Variants in MB21D2 observed in about 807,000 individuals in gnomAD.
MB21D2 encodes nucleotidyltransferase MB21D2.
MB21D2 carries 9 observed loss-of-function variants against 33.3 expected under a neutral mutation model. The ratio of observed to expected loss-of-function variants is 0.27; its 90% CI spans 0.16 to 0.47. The LOEUF (loss-of-function observed/expected upper bound fraction) is 0.47. Ranked by LOEUF, MB21D2 falls within the 20% of genes least tolerant of loss-of-function variation. The pLI is 0.99. For synonymous variants in MB21D2, 241 were observed against 236.3 expected (o/e 1.02, Z -0.18); for missense variants, 540 against 624.6 (o/e 0.86, Z 1.44).
chr3:192,841,929 A>AGGCAGAG (rs939918031), intron 1 of MB21D2, among the ~76,000 whole-genome samples: 2 of 152,300 alleles, frequency 1.3e-5, no homozygotes, highest in African/African-American at 4.8e-5. Flanking sequence ...GAAGTGAACC[A>AGGCAGAG]GGCAGAGGGG....
chr3:192,811,720 T>C (rs1009728644), intron 1 of MB21D2, among the ~76,000 whole-genome samples: 1 of 152,160 alleles, frequency 6.6e-6, no homozygotes, highest in Admixed American at 6.5e-5. Context: ...TGAAAATCCA[T>C]ATATTTTTCA....
At chr3:192,859,242 A>G (rs1330803966) in intron 1 of MB21D2, among the ~76,000 whole-genome samples, 3 of 152,210 alleles carry the variant, frequency 2.0e-5, no homozygotes, top group African/African-American at 7.2e-5. Context: ...AAAATAATGT[A>G]TTAAGTACCA....
chr3:192,878,094 T>G (rs1448447469), intron 1 of MB21D2, among the ~76,000 whole-genome samples: 1 of 139,374 alleles, frequency 7.2e-6, no homozygotes, highest in East Asian at 2.1e-4. Flanking sequence ...TTTTTTTTTT[T>G]TTTTTTTGGT....
At chr3:192,801,033 C>A (rs1454650020) in intron 1 of MB21D2, among the ~76,000 whole-genome samples, 1 of 152,112 alleles carries the variant, frequency 6.6e-6, no homozygotes, top group African/African-American at 2.4e-5. Flanking sequence ...GATTGTGGGT[C>A]CTTTTGAGAA....
At chr3:192,836,155 G>A (rs950097067) in intron 1 of MB21D2, among the ~76,000 whole-genome samples, 1 of 152,146 alleles carries the variant, frequency 6.6e-6, no homozygotes, top group Non-Finnish European at 1.5e-5. Flanking sequence ...ATATTAAATA[G>A]AGGGCATTCC....
chr3:192,913,505 T>G (rs1714398724), intron 1 of MB21D2, among the ~76,000 whole-genome samples: 1 of 152,162 alleles, frequency 6.6e-6, no homozygotes, highest in Admixed American at 6.5e-5. Context: ...TGAAAAACAA[T>G]GCTTACTGTT....
chr3:192,824,461 A>G (rs1712125226), intron 1 of MB21D2, among the ~76,000 whole-genome samples: 1 of 151,644 alleles, frequency 6.6e-6, no homozygotes, highest in South Asian at 2.1e-4. Flanking sequence ...AGATGGGAAG[A>G]TGGCTTAGCC....
intron 1 of MB21D2, among the ~76,000 whole-genome samples, chr3:192,844,725 C>G (rs1037976652): frequency 2.6e-5 from 4 of 152,212 alleles, no homozygotes; most frequent in African/African-American, 9.7e-5. Context: ...CTTCAACACC[C>G]TTTCCCATCA....
At chr3:192,854,378 C>T (rs1043695696) in intron 1 of MB21D2, among the ~76,000 whole-genome samples, 32 of 152,294 alleles carry the variant, frequency 2.1e-4, no homozygotes, top group African/African-American at 7.2e-4. Context: ...TAACTCTCTT[C>T]AATTCTCTGA....
intron 1 of MB21D2, among the ~76,000 whole-genome samples, chr3:192,828,593 TATATATATATATATATATATATA>T (rs1430734877): frequency 0.016 from 214 of 13,700 alleles, 25 homozygotes; most frequent in East Asian, 0.05. Flanking sequence ...ACCCCCCCCA[TATATATATATATATATATATATA>T]TATATATATA....
chr3:192,869,413 G>C (rs945955082), intron 1 of MB21D2, among the ~76,000 whole-genome samples: 2 of 152,004 alleles, frequency 1.3e-5, no homozygotes, highest in Admixed American at 1.3e-4. Context: ...TTGAGTAGTG[G>C]AGGAGACTGA....
intron 1 of MB21D2, among the ~76,000 whole-genome samples, chr3:192,830,853 G>C (rs900347950): frequency 1.3e-5 from 2 of 152,204 alleles, no homozygotes; most frequent in African/African-American, 2.4e-5. Flanking sequence ...GCATGTTAAA[G>C]TTCTACATGT....
chr3:192,828,625 T>TTTTGAG (rs1712239886), intron 1 of MB21D2, among the ~76,000 whole-genome samples: 2 of 29,534 alleles, frequency 6.8e-5, no homozygotes, highest in African/African-American at 5.6e-4. Context: ...TATATATATA[T>TTTTGAG]ATATATATAT....
chr3:192,892,292 C>T (rs994203679), intron 1 of MB21D2, among the ~76,000 whole-genome samples: 11 of 152,146 alleles, frequency 7.2e-5, no homozygotes, highest in African/African-American at 2.7e-4. Flanking sequence ...AATTTTGTCC[C>T]CATTTTACAG....
chr3:192,890,102 C>T (rs1344513246), intron 1 of MB21D2, among the ~76,000 whole-genome samples: 1 of 152,030 alleles, frequency 6.6e-6, no homozygotes, highest in Admixed American at 6.6e-5. Context: ...CCAAGAGCAA[C>T]CTTTTCTTGA....
intron 1 of MB21D2, among the ~76,000 whole-genome samples, chr3:192,819,909 C>A (rs940190031): frequency 3.3e-5 from 5 of 152,194 alleles, no homozygotes; most frequent in African/African-American, 9.7e-5. Context: ...TGGGGACAAG[C>A]TCTGCATCCC....
intron 1 of MB21D2, among the ~76,000 whole-genome samples, chr3:192,879,374 G>C (rs1338569062): frequency 6.6e-6 from 1 of 152,228 alleles, no homozygotes; most frequent in Non-Finnish European, 1.5e-5. Context: ...GACTCTGAGA[G>C]ACAGAGAGGC....
chr3:192,804,095 A>G (rs967941612), intron 1 of MB21D2, among the ~76,000 whole-genome samples: 1 of 152,156 alleles, frequency 6.6e-6, no homozygotes, highest in Admixed American at 6.5e-5. Context: ...TTTTATATAG[A>G]TACTCAGGTC....
rs1204619691 is a variant in MB21D2, at chr3:192,882,745, TTTC to T, written c.211+34882_211+34884del. Among the ~76,000 whole-genome samples the T allele has an allele frequency of 1.4e-3, 216 of 152,038 alleles. 2 individuals are homozygous for T. Among genetic ancestry groups the T allele is most frequent in the African/African-American group, 5.1e-3 (211 of 41,384 alleles). On this transcript the variant is annotated intron_variant, in intron 1 of 1. Coordinates refer to ENST00000392452, the MANE Select transcript of MB21D2 (RefSeq NM_178496.4). ...AGGACATCAACCAGTTTCCTTTTTT[TTTC>T]TTTGAGACGGAGTTTCACTTTTGTC...
Sources: gnomAD v4.1 joint callset for allele counts (sites outside exome capture counted in the v4.1 genomes callset) on GRCh38, gnomAD v4.1.1 for gene constraint, MANE v1.5 for transcripts, NCBI Gene and HGNC (gene_info 2026-07-23, HGNC 2026-07-21) for gene names.